CFAP54: variants seen among roughly 807,000 people sequenced by gnomAD.
CFAP54 encodes the protein cilia- and flagella-associated protein 54.
Under a neutral mutation model 370.4 loss-of-function variants are expected in CFAP54, and 290 were observed. The observed-to-expected ratio is 0.78, with a 90% CI of 0.71 to 0.86. CFAP54 has a LOEUF of 0.86. CFAP54 is among the 40% of genes least tolerant of loss of function. CFAP54 has a pLI of 0.00. For synonymous variants in CFAP54, 1,206 were observed against 1,236.5 expected (o/e 0.98, Z 0.52); for missense variants, 3,399 against 3,528.7 (o/e 0.96, Z 0.93).
chr12:96,589,554 C>T lies in CFAP54; in HGVS notation c.3203C>T (p.Thr1068Ile). 7.0e-7 allele frequency: 1 copy of T among 1,436,738 alleles called. No homozygotes were observed. The highest frequency in any genetic ancestry group is 2.1e-5 in the Admixed American group (1 of 48,466). The allele number at this position is 1,436,738 out of a possible 1,614,324, so 89.0% of individuals were successfully genotyped here. The part of the protein sequence containing the change: ...VICLSNIITI[T>I]QRRLHSDILA... ...TGTTTAAGCAATATAATTACTATTA[C>T]ACAAAGAAGGTAATTAGAAATATTC... The change falls in exon 23 of 68, where the codon ACA (threonine) becomes ATA (isoleucine). Residue 1068 changes from threonine (T) to isoleucine (I), a missense_variant. By Grantham distance (89) the Thr-to-Ile change is moderately conservative. This residue lies in a region of CFAP54 where 2,796 missense variants were observed against 2,869.7 expected (regional missense o/e 0.97). Transcript: ENST00000524981.
chr12:96,862,141 A>G (rs1443186420), intron 67 of CFAP54, among the ~76,000 whole-genome samples: 1 of 152,184 alleles, frequency 6.6e-6, no homozygotes, highest in Non-Finnish European at 1.5e-5. Context: ...TTAAATGTAG[A>G]CATCTATGAA....
intron 66 of CFAP54, among the ~76,000 whole-genome samples, chr12:96,845,366 C>T (rs1959309684): frequency 6.6e-6 from 1 of 152,194 alleles, no homozygotes; most frequent in Admixed American, 6.5e-5. Context: ...CATTGAGCCA[C>T]CCAAACCTCC....
chr12:96,733,536 C>T (rs2136630694), intron 50 of CFAP54, among the ~76,000 whole-genome samples: 1 of 105,102 alleles, frequency 9.5e-6, no homozygotes, highest in African/African-American at 4.1e-5. Context: ...TTTCAAAATC[C>T]TGTGGGTTTT....
intron 50 of CFAP54, among the ~76,000 whole-genome samples, chr12:96,735,339 G>A (rs76236998): frequency 0.012 from 1,765 of 152,222 alleles, 18 homozygotes; most frequent in Non-Finnish European, 0.019. Flanking sequence ...GAACAGCATC[G>A]GGGGCCAGGA....
At chr12:96,522,356 G>A (rs774814641) in intron 8 of CFAP54, among the ~76,000 whole-genome samples, 167 bp downstream of exon 8, 27 of 152,172 alleles carry the variant, frequency 1.8e-4, no homozygotes, top group Non-Finnish European at 4.0e-4. Context: ...ACGTAGCCTC[G>A]CTTCATCTCT....
intron 60 of CFAP54, among the ~76,000 whole-genome samples, chr12:96,766,349 C>G (rs1958401856): frequency 6.6e-6 from 1 of 152,092 alleles, no homozygotes; most frequent in South Asian, 2.1e-4. Flanking sequence ...GCCTGAACAT[C>G]AGACTGGGTG....
chr12:96,552,246 C>CAAAAAAAAAAAAA (rs374756712), intron 15 of CFAP54, among the ~76,000 whole-genome samples: 5 of 40,956 alleles, frequency 1.2e-4, no homozygotes, highest in Non-Finnish European at 2.3e-4. Flanking sequence ...AACTACATCT[C>CAAAAAAAAAAAAA]AAAAAAAAAA....
intron 47 of CFAP54, among the ~76,000 whole-genome samples, chr12:96,707,692 G>T (rs1011231370): frequency 3.3e-5 from 5 of 152,192 alleles, no homozygotes; most frequent in Non-Finnish European, 1.5e-5. Flanking sequence ...TTGGAGAAAG[G>T]AGTGAAGGCC....
At chr12:96,684,762 A>G (rs1248265676) in intron 41 of CFAP54, 27 bp downstream of exon 41, 1 of 1,535,262 alleles carries the variant, frequency 6.5e-7, no homozygotes, top group Admixed American at 2.0e-5. Flanking sequence ...CTGTAGAACA[A>G]GGGCAAAGGT....
chr12:96,837,277 T>C (rs1026429375), intron 66 of CFAP54, among the ~76,000 whole-genome samples: 2 of 152,196 alleles, frequency 1.3e-5, no homozygotes, highest in Non-Finnish European at 2.9e-5. Flanking sequence ...TGACTACCTA[T>C]ATCTTATCAC....
intron 34 of CFAP54, 25 bp from the exon 35 acceptor site, chr12:96,649,861 ATCATG>A: frequency 6.9e-7 from 1 of 1,451,354 alleles, no homozygotes; most frequent in Non-Finnish European, 9.4e-7. Flanking sequence ...TATGTTTTTA[ATCATG>A]TCATATCTTA....
chr12:96,519,248 G>A (rs536830583), intron 6 of CFAP54, among the ~76,000 whole-genome samples, 177 bp downstream of exon 6: 8 of 152,054 alleles, frequency 5.3e-5, no homozygotes, highest in South Asian at 4.2e-4. Context: ...ACAGGCATGC[G>A]CCACCATGCC....
At chr12:96,650,529 T>C (rs553633995) in intron 35 of CFAP54, among the ~76,000 whole-genome samples, 60 of 152,344 alleles carry the variant, frequency 3.9e-4, no homozygotes, top group African/African-American at 1.4e-3. Flanking sequence ...CCGGTCTCCT[T>C]CTTCCCATCA....
At chr12:96,490,652 A>T (rs1954871287) in intron 1 of CFAP54, among the ~76,000 whole-genome samples, 1 of 152,170 alleles carries the variant, frequency 6.6e-6, no homozygotes. Context: ...GGATCGCGCC[A>T]CTACACTCCA....
chr12:96,695,841 A>G (rs1349238130), intron 45 of CFAP54, among the ~76,000 whole-genome samples: 1 of 152,218 alleles, frequency 6.6e-6, no homozygotes, highest in African/African-American at 2.4e-5. Flanking sequence ...AGTACTTTCT[A>G]TTTAAAAGCA....
intron 66 of CFAP54, among the ~76,000 whole-genome samples, chr12:96,834,888 G>A (rs776023034): frequency 4.6e-5 from 7 of 152,186 alleles, no homozygotes; most frequent in Non-Finnish European, 7.3e-5. Context: ...ATGAAGAGGA[G>A]CTTTATTGAG....
intron 47 of CFAP54, among the ~76,000 whole-genome samples, chr12:96,707,137 G>A (rs1957555695): frequency 6.6e-6 from 1 of 152,098 alleles, no homozygotes; most frequent in African/African-American, 2.4e-5. Context: ...GGATAGGAAG[G>A]AAACTAAGGG....
chr12:96,561,773 C>CG (rs1955819438), intron 17 of CFAP54, among the ~76,000 whole-genome samples: 1 of 94,852 alleles, frequency 1.1e-5, no homozygotes, highest in East Asian at 3.2e-4. Flanking sequence ...ATCACAAGTT[C>CG]TTTTTTTTTT....
chr12:96,758,416 T>A (rs1958291097), intron 58 of CFAP54, among the ~76,000 whole-genome samples: 1 of 152,074 alleles, frequency 6.6e-6, no homozygotes, highest in African/African-American at 2.4e-5. Flanking sequence ...GAAAGGGGTT[T>A]CCCCTTATAA....
Sources: gnomAD v4.1 joint callset for allele counts (sites outside exome capture counted in the v4.1 genomes callset) on GRCh38, gnomAD v4.1.1 for gene constraint, gnomAD v4.1.1 regional missense constraint, MANE v1.5 for transcripts, NCBI Gene and HGNC (gene_info 2026-07-23, HGNC 2026-07-21) for gene names.